Variants in FOCAD observed in about 807,000 individuals in gnomAD.
FOCAD encodes the protein KIAA1797.
A neutral mutation model predicts 225.6 loss-of-function variants in FOCAD; 198 were observed. The ratio of observed to expected loss-of-function variants is 0.88; its 90% CI spans 0.78 to 0.99. FOCAD has a LOEUF of 0.99. FOCAD is among the 50% of genes least tolerant of loss of function. The pLI is 0.00. For missense variants in FOCAD, 2,713 were observed against 2,123.6 expected (o/e 1.28, Z -5.46); for synonymous variants, 897 against 755.0 (o/e 1.19, Z -3.08).
chr9:20,793,330 A>G (rs1040019833), intron 11 of FOCAD, among the ~76,000 whole-genome samples: 5 of 152,340 alleles, frequency 3.3e-5, no homozygotes, highest in Admixed American at 2.6e-4. Flanking sequence ...TAAACCTTAC[A>G]TATATATCTG....
intron 35 of FOCAD, among the ~76,000 whole-genome samples, chr9:20,953,860 C>G (rs1837907047): frequency 6.6e-6 from 1 of 151,954 alleles, no homozygotes; most frequent in African/African-American, 2.4e-5. Flanking sequence ...TGTATTATAG[C>G]AAGACCATCC....
intron 15 of FOCAD, among the ~76,000 whole-genome samples, chr9:20,833,697 A>G (rs866270675): frequency 1.3e-5 from 2 of 152,048 alleles, no homozygotes; most frequent in African/African-American, 4.8e-5. Flanking sequence ...TGTGATCTCA[A>G]TTTGTCTCTG....
At chr9:20,939,136 C>A (rs76201101) in intron 28 of FOCAD, among the ~76,000 whole-genome samples, 5 of 56,718 alleles carry the variant, frequency 8.8e-5, no homozygotes, top group African/African-American at 2.5e-4. Context: ...GGCGACAGAG[C>A]GAGACTCTCT....
At chr9:20,915,424 A>G (rs891285753) in intron 23 of FOCAD, among the ~76,000 whole-genome samples, 1 of 152,176 alleles carries the variant, frequency 6.6e-6, no homozygotes, top group Non-Finnish European at 1.5e-5. Context: ...AAGCCAAGGA[A>G]AGAAGGCATT....
intron 2 of FOCAD, among the ~76,000 whole-genome samples, chr9:20,666,056 A>C (rs1487400519): frequency 6.6e-6 from 1 of 152,186 alleles, no homozygotes; most frequent in South Asian, 2.1e-4. Context: ...CACCACGCCC[A>C]GCTAATTTTT....
At chr9:20,748,009 G>C (rs1828208335) in intron 5 of FOCAD, among the ~76,000 whole-genome samples, 1 of 151,778 alleles carries the variant, frequency 6.6e-6, no homozygotes, top group South Asian at 2.1e-4. Context: ...TCGACGATCA[G>C]CTATTATCTT....
chr9:20,796,063 T>A (rs1384529354), intron 11 of FOCAD, among the ~76,000 whole-genome samples: 1 of 142,794 alleles, frequency 7.0e-6, no homozygotes, highest in Non-Finnish European at 1.5e-5. Context: ...GAACATGCGG[T>A]GTTTGGTTTT....
At chr9:20,749,533 A>C (rs1587007467) in intron 5 of FOCAD, among the ~76,000 whole-genome samples, 2 of 152,316 alleles carry the variant, frequency 1.3e-5, no homozygotes, top group South Asian at 4.1e-4. Flanking sequence ...GATTAAAAAA[A>C]TCTCTTTTTA....
At chr9:20,969,143 T>G (rs1395002748) in intron 35 of FOCAD, among the ~76,000 whole-genome samples, 1 of 152,150 alleles carries the variant, frequency 6.6e-6, no homozygotes, top group Admixed American at 6.5e-5. Context: ...CTTGGTATGG[T>G]TTTAGTCTTT....
chr9:20,687,522 A>G lies in FOCAD; in HGVS notation c.-33+3229A>G, dbSNP rs148277634. Among the ~76,000 whole-genome samples the G allele has an allele frequency of 2.9e-3, 436 of 152,232 alleles. 7 individuals carry two copies. Among genetic ancestry groups the G allele is most frequent in the Admixed American group, 0.023 (351 of 15,284 alleles). On this transcript the variant is annotated intron_variant, in intron 1 of 43. Transcript: ENST00000338382. ...ATAATTTATTCTTAAGTTCTACTCT[A>G]TTTCCCAATCATTGCACATGTTGGT... is the stretch of plus-strand genomic sequence containing the variant.
At chr9:20,978,990 G>A (rs181331991) in intron 37 of FOCAD, among the ~76,000 whole-genome samples, 78 of 152,356 alleles carry the variant, frequency 5.1e-4, no homozygotes, top group Non-Finnish European at 9.1e-4. Context: ...CTTGAGCAAA[G>A]CGTTGAGAAA....
At chr9:20,933,327 A>G (rs1006823460) in intron 28 of FOCAD, among the ~76,000 whole-genome samples, 1 of 152,108 alleles carries the variant, frequency 6.6e-6, no homozygotes, top group African/African-American at 2.4e-5. Context: ...ACAATTTGTC[A>G]TCTTTTGTCC....
At chr9:20,879,044 A>G (rs1390052470) in intron 19 of FOCAD, among the ~76,000 whole-genome samples, 2 of 151,990 alleles carry the variant, frequency 1.3e-5, no homozygotes, top group Non-Finnish European at 2.9e-5. Context: ...CCTGTACACT[A>G]CTCAGACTCA....
chr9:20,842,632 T>C (rs61312764), intron 15 of FOCAD, among the ~76,000 whole-genome samples: 1 of 151,796 alleles, frequency 6.6e-6, no homozygotes, highest in Non-Finnish European at 1.5e-5. Context: ...AGTATGTTTC[T>C]TGTAGACAGC....
intron 19 of FOCAD, among the ~76,000 whole-genome samples, chr9:20,877,824 C>T (rs967602966): frequency 1.3e-5 from 2 of 152,088 alleles, no homozygotes; most frequent in Non-Finnish European, 1.5e-5. Context: ...ACGAGAGAGT[C>T]GCTTGAACCT....
chr9:20,949,448 G>C (rs558017360), intron 32 of FOCAD, among the ~76,000 whole-genome samples, 156 bp from the exon 33 acceptor site: 15 of 152,072 alleles, frequency 9.9e-5, no homozygotes, highest in Non-Finnish European at 1.9e-4. Context: ...ATGGGGCCCT[G>C]CCTTTGAGGA....
At chr9:20,772,909 T>TATA (rs962052612) in intron 8 of FOCAD, among the ~76,000 whole-genome samples, 4 of 151,426 alleles carry the variant, frequency 2.6e-5, no homozygotes, top group African/African-American at 9.7e-5. Context: ...TATATATATG[T>TATA]ATAATATATC....
chr9:20,793,440 A>G (rs1201163394), intron 11 of FOCAD, among the ~76,000 whole-genome samples: 1 of 152,106 alleles, frequency 6.6e-6, no homozygotes, highest in Non-Finnish European at 1.5e-5. Flanking sequence ...GTTCTGTGTT[A>G]ATTTCTTGGC....
At position 20,913,139 on chromosome 9, in the gene FOCAD, TATAC is replaced by T. The variant is rs796284145; in HGVS notation, c.2807+191_2807+194del. Among the ~76,000 whole-genome samples the T allele has an allele frequency of 5.4e-3, 632 of 116,214 alleles. 8 individuals carry two copies. The highest frequency in any genetic ancestry group is 0.02 in the African/African-American group (590 of 29,530). 76.2% of individuals were successfully genotyped at this position (116,214 alleles called of 152,430 possible). On this transcript the variant is annotated intron_variant, in intron 23 of 43. Coordinates refer to ENST00000338382, the MANE Select transcript of FOCAD (RefSeq NM_001375567.1). ...GAGATAGAGAGCTTTATTTATAAAT[TATAC>T]ATACACACACACACACACACACACA...
Sources: gnomAD v4.1 joint callset for allele counts (sites outside exome capture counted in the v4.1 genomes callset) on GRCh38, gnomAD v4.1.1 for gene constraint, MANE v1.5 for transcripts, NCBI Gene and HGNC (gene_info 2026-07-23, HGNC 2026-07-21) for gene names.